The following EIF3K variants were observed in gnomAD, a reference collection of about 807,000 sequenced individuals.
The protein encoded by EIF3K is eukaryotic translation initiation factor 3 subunit K, also known as eIF-3 p28.
A neutral mutation model predicts 34.2 loss-of-function variants in EIF3K; 27 were observed. The ratio of observed to expected loss-of-function variants is 0.79; its 90% CI spans 0.58 to 1.09. The LOEUF (loss-of-function observed/expected upper bound fraction) is 1.09. Among genes scored for constraint, EIF3K ranks in the 50% least tolerant of loss-of-function variants. The pLI, the probability that EIF3K is intolerant of heterozygous loss-of-function variation, is 0.00. For missense variants in EIF3K, 232 were observed against 275.4 expected, an observed-to-expected ratio of 0.84 and a Z score of 1.11; for synonymous variants, 105 against 105.7, an observed-to-expected ratio of 0.99 and a Z score of 0.04.
chr19:38,622,094 C>T (rs1599730015), intron 2 of EIF3K, among the ~76,000 whole-genome samples: 2 of 146,054 alleles, frequency 1.4e-5, no homozygotes, highest in African/African-American at 5.2e-5. Flanking sequence ...TGCTTTCTTT[C>T]TTTCCTTTTT....
intron 2 of EIF3K, among the ~76,000 whole-genome samples, chr19:38,622,390 G>A (rs185253922): frequency 6.6e-6 from 1 of 152,156 alleles, no homozygotes; most frequent in Non-Finnish European, 1.5e-5. Flanking sequence ...GGTAGGATCC[G>A]TGATGCCTCA....
Position 38,635,095 on chromosome 19 carries a change from T to C in EIF3K, c.602T>C (p.Ile201Thr), listed in dbSNP as rs1976161745. 1.2e-6 allele frequency: 2 copies of C among 1,614,070 alleles called. No individual in the cohort carries two copies. Among genetic ancestry groups the C allele is most frequent in the Non-Finnish European group, 1.7e-6 (2 of 1,179,988 alleles). Residue 201 changes from isoleucine (I) to threonine (T), a missense_variant, in exon 7 of 8, where the codon ATT becomes ACT. Transcript: ENST00000248342. ...SQEESIKPKNIVEKIDFDSVS... is the reference protein window; with the variant it reads ...SQEESIKPKNTVEKIDFDSVS... ...GAAGAGAGCATTAAACCCAAGAACA[T>C]TGTGGAGAAGATTGACTTTGACAGT...
chr19:38,634,966 GC>G (rs745724989), intron 6 of EIF3K, 26 bp from the exon 7 acceptor site: 15 of 1,613,730 alleles, frequency 9.3e-6, no homozygotes, highest in Non-Finnish European at 1.1e-5. Flanking sequence ...GCTGACTGAA[GC>G]CCCTTGCTGC....
At position 38,619,260 on chromosome 19, in the gene EIF3K, A is replaced by G; in HGVS notation, c.-9A>G. 6.2e-7 allele frequency: 1 copy of G among 1,613,910 alleles called. No individual in the cohort carries two copies. The highest frequency in any genetic ancestry group is 8.5e-7 in the Non-Finnish European group (1 of 1,179,880). ...CCTCCAGCCCTGGTTGTGGAAGGCG[A>G]CAGAAGTCATGGCGATGTTTGAGCA... On this transcript the variant is annotated 5_prime_UTR_variant, in exon 1 of 8. Coordinates refer to ENST00000248342, the MANE Select transcript of EIF3K (RefSeq NM_013234.4).
At chr19:38,631,534 CT>C (rs1023877239) in intron 4 of EIF3K, among the ~76,000 whole-genome samples, 6 of 152,258 alleles carry the variant, frequency 3.9e-5, no homozygotes, top group Non-Finnish European at 5.9e-5. Flanking sequence ...CGGTTTCCCC[CT>C]ATCTCAGTAG....
chr19:38,626,870 G>A (rs1006204942), intron 4 of EIF3K, among the ~76,000 whole-genome samples: 4 of 152,256 alleles, frequency 2.6e-5, no homozygotes, highest in African/African-American at 4.8e-5. Context: ...ACAGTGGCAC[G>A]ATCTTGGCTC....
intron 2 of EIF3K, among the ~76,000 whole-genome samples, chr19:38,621,197 T>TAAAAAA: frequency 8.3e-6 from 1 of 120,078 alleles, no homozygotes; most frequent in East Asian, 2.4e-4. Context: ...CCCCTCTTTT[T>TAAAAAA]AAAAAAAAAA....
chr19:38,634,466 C>T (rs908063224), intron 6 of EIF3K, among the ~76,000 whole-genome samples: 11 of 151,556 alleles, frequency 7.3e-5, no homozygotes, highest in African/African-American at 1.9e-4. Context: ...GGCGTGGTGG[C>T]GCATGCCTAT....
chr19:38,623,309 C>G (rs1394721268), intron 2 of EIF3K, among the ~76,000 whole-genome samples: 1 of 152,248 alleles, frequency 6.6e-6, no homozygotes, highest in Non-Finnish European at 1.5e-5. Context: ...CTTCCCGCAA[C>G]AGGTACGCAC....
intron 4 of EIF3K, 188 bp downstream of exon 4, chr19:38,626,290 A>G (rs1344240735): frequency 3.2e-6 from 2 of 623,208 alleles, no homozygotes; most frequent in South Asian, 1.9e-5. Flanking sequence ...CCGTGCCCAC[A>G]GGCTGAGGCC....
chr19:38,634,520 C>T (rs188958469), intron 6 of EIF3K, among the ~76,000 whole-genome samples: 87 of 151,756 alleles, frequency 5.7e-4, no homozygotes, highest in African/African-American at 1.8e-3. Flanking sequence ...ATTGCTTGAA[C>T]CTGGGAGGTG....
At position 38,636,078 on chromosome 19, in the gene EIF3K, G is replaced by A. The variant is rs192224194; in HGVS notation, c.626-811G>A. On this transcript the variant is annotated intron_variant, in intron 7 of 7. Transcript: ENST00000248342. ...CCGTGGTATCTCACCTCTAAACGCC[G>A]CGTGACTGCTGTGTCGGGGTTCTCA... Among the ~76,000 whole-genome samples the A allele has an allele frequency of 7.2e-5, 11 of 152,326 alleles. No individual in the cohort carries two copies. The East Asian group carries it at 1.9e-3, about 27-fold the overall frequency.
At chr19:38,629,356 G>A (rs114315332) in intron 4 of EIF3K, among the ~76,000 whole-genome samples, 1,658 of 152,186 alleles carry the variant, frequency 0.011, 33 homozygotes, top group African/African-American at 0.034. Flanking sequence ...GTGCAGTGAT[G>A]CAAACACAGC....
Position 38,619,289 on chromosome 19 carries a change from G to A in EIF3K, c.21G>A (p.Met7Ile). 6.2e-7 allele frequency: 1 copy of A among 1,614,084 alleles called. No individual in the cohort carries two copies. Among genetic ancestry groups the A allele is most frequent in the Non-Finnish European group, 8.5e-7 (1 of 1,179,962 alleles). Residue 7 changes from methionine (M) to isoleucine (I), a missense_variant, in exon 1 of 8, where the codon ATG (methionine) becomes ATA (isoleucine). Transcript: ENST00000248342. MAMFEQMRANVGKLLKG... is the reference protein window; with the variant it reads MAMFEQIRANVGKLLKG... ...AAGTCATGGCGATGTTTGAGCAGAT[G>A]AGAGCCAACGTGGGCAAGTTGCTCA...
At chr19:38,626,532 T>A (rs1053313974) in intron 4 of EIF3K, among the ~76,000 whole-genome samples, 5 of 152,168 alleles carry the variant, frequency 3.3e-5, no homozygotes, top group African/African-American at 1.2e-4. Flanking sequence ...GTGCCTGTAC[T>A]CCCAGCTACC....
intron 6 of EIF3K, among the ~76,000 whole-genome samples, chr19:38,634,762 A>C (rs1161427525): frequency 6.6e-6 from 1 of 152,344 alleles, no homozygotes; most frequent in Admixed American, 6.5e-5. Flanking sequence ...CAGAAGCCCC[A>C]CGATGAGGCT....
At chr19:38,634,877 T>G in intron 6 of EIF3K, 116 bp from the exon 7 acceptor site, 8 of 1,453,748 alleles carry the variant, frequency 5.5e-6, no homozygotes, top group Non-Finnish European at 7.4e-6. Flanking sequence ...CCAGGAGATG[T>G]CAGTGGGCAA....
In EIF3K at chr19:38,629,247, TAGAC is replaced by T. The variant is rs531729145; in HGVS notation, c.354+3148_354+3151del. Among the ~76,000 whole-genome samples, 44 of 151,774 alleles carry T rather than the reference TAGAC, an allele frequency of 2.9e-4. No individual in the cohort carries two copies. In the East Asian group the frequency reaches 6.8e-3, roughly 23 times the overall value. On this transcript the variant is annotated intron_variant, in intron 4 of 7. Transcript: ENST00000248342. ...TCTTAGACCTATTCCATGGAACAGA[TAGAC>T]AGGTTTTTTTTGTTTGTTTGTTTTG...
intron 4 of EIF3K, among the ~76,000 whole-genome samples, chr19:38,627,611 G>A (rs1975975806): frequency 6.6e-6 from 1 of 151,898 alleles, no homozygotes; most frequent in Non-Finnish European, 1.5e-5. Flanking sequence ...CTCACCCAGA[G>A]GTTATGGTGA....
Sources: gnomAD v4.1 joint callset for allele counts (sites outside exome capture counted in the v4.1 genomes callset) on GRCh38, gnomAD v4.1.1 for gene constraint, MANE v1.5 for transcripts, NCBI Gene and HGNC (gene_info 2026-07-23, HGNC 2026-07-21) for gene names.